Variants in CCNY observed in about 807,000 individuals in gnomAD.
CCNY encodes cyclin-Y.
Under a neutral mutation model 42.8 loss-of-function variants are expected in CCNY, and 19 were observed. That is an observed-to-expected ratio of 0.44 (90% CI 0.31 to 0.65). CCNY has a LOEUF of 0.65. CCNY is among the 30% of genes least tolerant of loss of function. The pLI is 0.07. For missense variants in CCNY, 370 were observed against 437.3 expected (o/e 0.85, Z 1.37); for synonymous variants, 165 against 162.7 (o/e 1.01, Z -0.11).
At chr10:35,345,552 CA>C (rs1836284094) in intron 1 of CCNY, among the ~76,000 whole-genome samples, 2 of 151,686 alleles carry the variant, frequency 1.3e-5, no homozygotes, top group Non-Finnish European at 2.9e-5. Context: ...TAAAAAGCCA[CA>C]AAGTACTAGA....
intron 3 of CCNY, among the ~76,000 whole-genome samples, chr10:35,314,125 A>C (rs1835724817): frequency 6.6e-6 from 1 of 152,192 alleles, no homozygotes; most frequent in Admixed American, 6.6e-5. Context: ...CTGTAATCCC[A>C]ATCTCATATT....
chr10:35,269,716 C>G (rs1305346326), intron 3 of CCNY, among the ~76,000 whole-genome samples: 1 of 151,502 alleles, frequency 6.6e-6, no homozygotes, highest in Non-Finnish European at 1.5e-5. Flanking sequence ...GCAACCTCCG[C>G]CTCCTGGGGT....
intron 1 of CCNY, among the ~76,000 whole-genome samples, chr10:35,471,653 A>T (rs1839394240): frequency 6.6e-6 from 1 of 152,178 alleles, no homozygotes; most frequent in Admixed American, 6.5e-5. Flanking sequence ...TGACACATGG[A>T]CTGAAAGCAG....
intron 1 of CCNY, among the ~76,000 whole-genome samples, chr10:35,479,624 G>C (rs1184762699): frequency 7.3e-6 from 1 of 136,146 alleles, no homozygotes. Context: ...GGGGAGGGGG[G>C]GGAGGGATAG....
At chr10:35,551,823 T>TA (rs1418233874) in intron 7 of CCNY, among the ~76,000 whole-genome samples, 2 of 152,236 alleles carry the variant, frequency 1.3e-5, no homozygotes, top group African/African-American at 4.8e-5. Context: ...ATCGCAGTGA[T>TA]ATACGACTTC....
At chr10:35,331,560 G>C (rs1427016689), upstream of CCNY, among the ~76,000 whole-genome samples, 4 of 152,162 alleles carry the variant, frequency 2.6e-5, no homozygotes, top group Admixed American at 2.6e-4. Flanking sequence ...TGGGGCACAA[G>C]TGCTACCCTC....
chr10:35,366,299 T>C (rs1203787044), intron 1 of CCNY, among the ~76,000 whole-genome samples: 1 of 152,178 alleles, frequency 6.6e-6, no homozygotes, highest in Non-Finnish European at 1.5e-5. Context: ...CAGCATGTGA[T>C]TTGGGGCTTC....
At chr10:35,337,755 T>C (rs1337824960) in intron 1 of CCNY, among the ~76,000 whole-genome samples, 1 of 152,168 alleles carries the variant, frequency 6.6e-6, no homozygotes, top group African/African-American at 2.4e-5. Context: ...AATGATTTTT[T>C]TGAGTGGCGG....
intron 3 of CCNY, chr10:35,314,530 C>G (rs1434983218): frequency 6.6e-6 from 1 of 152,024 alleles, no homozygotes; most frequent in Admixed American, 6.6e-5. Flanking sequence ...GGAACACAGG[C>G]AAAACATATC....
At chr10:35,271,595 G>A (rs1402135906) in intron 3 of CCNY, among the ~76,000 whole-genome samples, 1 of 152,168 alleles carries the variant, frequency 6.6e-6, no homozygotes, top group African/African-American at 2.4e-5. Flanking sequence ...GGTCACCCAG[G>A]CTAAAGTGCA....
intron 1 of CCNY, among the ~76,000 whole-genome samples, chr10:35,363,922 A>C (rs1469419052): frequency 6.6e-6 from 1 of 152,194 alleles, no homozygotes; most frequent in Admixed American, 6.5e-5. Context: ...AGAGCGGAGA[A>C]AGATTGGCTC....
chr10:35,267,351 G>A (rs2095726581), intron 3 of CCNY, among the ~76,000 whole-genome samples: 2 of 151,324 alleles, frequency 1.3e-5, no homozygotes, highest in Admixed American at 6.6e-5. Context: ...CCTCATCCTC[G>A]GGCTTTTGTG....
intron 3 of CCNY, among the ~76,000 whole-genome samples, chr10:35,286,120 G>C (rs1323508724): frequency 6.6e-6 from 1 of 151,754 alleles, no homozygotes; most frequent in African/African-American, 2.4e-5. Context: ...CCTGGATTTA[G>C]GTTTAACATT....
At chr10:35,429,489 C>T (rs1838338132) in intron 1 of CCNY, among the ~76,000 whole-genome samples, 1 of 152,050 alleles carries the variant, frequency 6.6e-6, no homozygotes, top group Non-Finnish European at 1.5e-5. Context: ...ATAAAGGAGT[C>T]CTGAGACAAA....
chr10:35,264,527 A>G (rs998174907), intron 3 of CCNY, among the ~76,000 whole-genome samples: 1 of 152,176 alleles, frequency 6.6e-6, no homozygotes, highest in African/African-American at 2.4e-5. Flanking sequence ...ATGAGATGGT[A>G]TCTCATTGTA....
intron 1 of CCNY, among the ~76,000 whole-genome samples, chr10:35,459,601 C>T (rs954734596): frequency 1.3e-5 from 2 of 152,134 alleles, no homozygotes; most frequent in African/African-American, 4.8e-5. Context: ...AGGTGGGACC[C>T]TGTCTTATAG....
At chr10:35,487,316 A>T (rs1197508172) in intron 2 of CCNY, among the ~76,000 whole-genome samples, 1 of 152,028 alleles carries the variant, frequency 6.6e-6, no homozygotes, top group Non-Finnish European at 1.5e-5. Flanking sequence ...ATATACTTTG[A>T]CAGTAGTTTA....
intron 3 of CCNY, among the ~76,000 whole-genome samples, chr10:35,266,366 C>T (rs1006632051): frequency 6.7e-6 from 1 of 149,260 alleles, no homozygotes; most frequent in African/African-American, 2.5e-5. Context: ...TCCCAAAGTG[C>T]TGGAATTACA....
chr10:35,273,973 G>A lies in CCNY; in HGVS notation c.-9+23347G>A, dbSNP rs1835205700. Among the ~76,000 whole-genome samples the A allele has an allele frequency of 3.3e-5, 5 of 152,184 alleles. No homozygotes were observed. The South Asian group carries it at 1.0e-3, about 31-fold the overall frequency. ...ATCACCCAGTCAGTGGGCTGGAGCA[G>A]CATTCCCAAGTGTGGAATTTGCTAC... On this transcript the variant is annotated intron_variant, in intron 3 of 11. Transcript: ENST00000374706.
Sources: allele counts gnomAD v4.1 joint callset (sites outside exome capture counted in the v4.1 genomes callset), GRCh38; gene constraint gnomAD v4.1.1; transcripts MANE v1.5; gene names NCBI Gene and HGNC (gene_info 2026-07-23, HGNC 2026-07-21).